Variants in SLC14A2 observed in about 807,000 individuals in gnomAD.
SLC14A2 encodes the protein urea transporter 2.
SLC14A2 carries 91 observed loss-of-function variants against 104.6 expected under a neutral mutation model. That is an observed-to-expected ratio of 0.87 (90% CI 0.73 to 1.04). The LOEUF (loss-of-function observed/expected upper bound fraction) is 1.04, where lower values mean the gene tolerates loss of function less well. SLC14A2 is among the 50% of genes least tolerant of loss of function. SLC14A2 has a pLI of 0.00. For missense variants in SLC14A2, 1,189 were observed against 1,156.0 expected, an observed-to-expected ratio of 1.03 and a Z score of -0.41; for synonymous variants, 476 against 466.4, an observed-to-expected ratio of 1.02 and a Z score of -0.27.
chr18:45,205,595 CA>C, the SLC14A2 span, among the ~76,000 whole-genome samples: 1 of 152,130 alleles, frequency 6.6e-6, no homozygotes, highest in African/African-American at 2.4e-5. Context: ...CGGGTAGATG[CA>C]ATTCAAAGAC....
chr18:45,409,343 T>G (rs1316672514), intron 1 of SLC14A2, among the ~76,000 whole-genome samples: 1 of 152,154 alleles, frequency 6.6e-6, no homozygotes, highest in African/African-American at 2.4e-5. Flanking sequence ...CCACTGAAAA[T>G]TGGTTCTGGG....
At chr18:45,634,569 A>T (rs2045389867) in intron 5 of SLC14A2, among the ~76,000 whole-genome samples, 1 of 152,234 alleles carries the variant, frequency 6.6e-6, no homozygotes, top group Non-Finnish European at 1.5e-5. Flanking sequence ...TGCAGGCAGA[A>T]GCAGCCCCCA....
intron 1 of SLC14A2, among the ~76,000 whole-genome samples, chr18:45,432,651 G>C (rs142678824): frequency 6.6e-6 from 1 of 152,192 alleles, no homozygotes; most frequent in Non-Finnish European, 1.5e-5. Context: ...TTTCGGCTTT[G>C]TGAGTACACT....
chr18:45,588,831 C>T (rs1458652079), intron 2 of SLC14A2, among the ~76,000 whole-genome samples: 1 of 152,172 alleles, frequency 6.6e-6, no homozygotes, highest in Non-Finnish European at 1.5e-5. Context: ...ACCCTATAAA[C>T]CCTAAACCGT....
intron 1 of SLC14A2, among the ~76,000 whole-genome samples, chr18:45,364,007 G>A (rs1401092041): frequency 2.0e-5 from 3 of 152,160 alleles, no homozygotes; most frequent in African/African-American, 7.2e-5. Flanking sequence ...AAGAGGCCAT[G>A]TGTACCTAAT....
upstream of SLC14A2, among the ~76,000 whole-genome samples, chr18:45,210,094 C>T (rs760686001): frequency 2.6e-5 from 4 of 152,284 alleles, no homozygotes; most frequent in South Asian, 2.1e-4. Context: ...AGATCATGGT[C>T]GCTCGAGCCC....
At chr18:45,341,717 C>T (rs1480214509) in intron 1 of SLC14A2, among the ~76,000 whole-genome samples, 2 of 151,034 alleles carry the variant, frequency 1.3e-5, no homozygotes, top group African/African-American at 4.9e-5. Flanking sequence ...CTCAGCATCC[C>T]GAGTTGCTGG....
At chr18:45,389,477 C>A (rs902367503) in intron 1 of SLC14A2, among the ~76,000 whole-genome samples, 6 of 152,264 alleles carry the variant, frequency 3.9e-5, no homozygotes, top group African/African-American at 1.4e-4. Context: ...CAAGAGCTGA[C>A]CATTCTTGCA....
intron 1 of SLC14A2, among the ~76,000 whole-genome samples, chr18:45,284,626 T>C (rs72904685): frequency 0.043 from 6,503 of 152,268 alleles, 186 homozygotes; most frequent in Middle Eastern, 0.12. Context: ...ATCTCCCCAT[T>C]TCACTTTTCA....
chr18:45,195,132 G>A, the SLC14A2 span, among the ~76,000 whole-genome samples: 3 of 152,152 alleles, frequency 2.0e-5, no homozygotes, highest in Non-Finnish European at 2.9e-5. Flanking sequence ...TCTGGAGAAA[G>A]AGAGGAGCCT....
At chr18:45,671,845 T>G (rs2046144946) in intron 16 of SLC14A2, among the ~76,000 whole-genome samples, 1 of 152,102 alleles carries the variant, frequency 6.6e-6, no homozygotes, top group Non-Finnish European at 1.5e-5. Context: ...CTCAGCTTCC[T>G]GCCCATGGGC....
intron 1 of SLC14A2, among the ~76,000 whole-genome samples, chr18:45,288,892 C>T (rs2144160962): frequency 6.6e-6 from 1 of 152,318 alleles, no homozygotes; most frequent in African/African-American, 2.4e-5. Flanking sequence ...GGGGATTCAT[C>T]CCGCCTTAAT....
intron 2 of SLC14A2, among the ~76,000 whole-genome samples, chr18:45,494,083 T>G (rs1238654075): frequency 6.6e-6 from 1 of 152,208 alleles, no homozygotes; most frequent in Non-Finnish European, 1.5e-5. Context: ...TGGTTGTACC[T>G]TGTTAGCGTT....
chr18:45,343,656 T>C (rs183439562), intron 1 of SLC14A2, among the ~76,000 whole-genome samples: 84 of 152,112 alleles, frequency 5.5e-4, no homozygotes, highest in Non-Finnish European at 1.1e-3. Flanking sequence ...AAAAATAAAA[T>C]GCTATGATTT....
rs144299566 is a variant in SLC14A2 at position 45,317,961 on chromosome 18, C to A, written c.-125+104770C>A. ...CACCTCAAGAGCTTTGGAGCCCCACCTTTGGAGCCCCACCTTTCCTTTGGA... is the reference window on the plus strand; with the variant it reads ...CACCTCAAGAGCTTTGGAGCCCCACATTTGGAGCCCCACCTTTCCTTTGGA... On this transcript the variant is annotated intron_variant, in intron 1 of 20. Coordinates refer to the SLC14A2 transcript ENST00000586448. Among the ~76,000 whole-genome samples, 938 of 152,202 alleles carry A rather than the reference C, an allele frequency of 6.2e-3. 6 individuals carry two copies. Among genetic ancestry groups the A allele is most frequent in the Middle Eastern group, 0.02 (6 of 294 alleles).
intron 1 of SLC14A2, among the ~76,000 whole-genome samples, chr18:45,403,562 C>A (rs1227558282): frequency 2.0e-5 from 3 of 152,126 alleles, no homozygotes; most frequent in African/African-American, 7.2e-5. Flanking sequence ...CTCATGTGAG[C>A]TGGCTGGAGG....
rs1215242717 is a variant in SLC14A2 at position 45,273,508 on chromosome 18, G to A, written c.-125+60317G>A. Reference sequence around the variant, plus strand: ...AAAAGCGTTGTCCTACAGATGAAGAGGGAACAGGTAGTGTGCAATACAACC... The same window carrying A: ...AAAAGCGTTGTCCTACAGATGAAGAAGGAACAGGTAGTGTGCAATACAACC... On this transcript the variant is annotated intron_variant, in intron 1 of 20. Transcript: ENST00000586448. Among the ~76,000 whole-genome samples the A allele has an allele frequency of 3.9e-5, 6 of 152,118 alleles. No individual in the cohort carries two copies. The East Asian group carries it at 1.2e-3, about 29-fold the overall frequency.
At chr18:45,541,106 G>C (rs1359783139) in intron 2 of SLC14A2, among the ~76,000 whole-genome samples, 1 of 152,152 alleles carries the variant, frequency 6.6e-6, no homozygotes, top group Admixed American at 6.5e-5. Flanking sequence ...AGAGTCTAGG[G>C]ATCTAAGCCA....
Position 45,350,386 on chromosome 18 carries a change from C to T in SLC14A2, c.-124-132847C>T, listed in dbSNP as rs368480324. Among the ~76,000 whole-genome samples, 5 of 152,146 alleles carry T rather than the reference C, an allele frequency of 3.3e-5. No homozygotes were observed. The East Asian group carries it at 9.6e-4, about 29-fold the overall frequency. The stretch of plus-strand genomic sequence containing the variant: ...GATTATAAAACAAACACACTCATAG[C>T]TCAAGGTCACAGGGACAGCACGTTC... On this transcript the variant is annotated intron_variant, in intron 1 of 20. Coordinates refer to the SLC14A2 transcript ENST00000586448.
Sources: gnomAD v4.1 joint callset for allele counts (sites outside exome capture counted in the v4.1 genomes callset) on GRCh38, gnomAD v4.1.1 for gene constraint, MANE v1.5 for transcripts, NCBI Gene and HGNC (gene_info 2026-07-23, HGNC 2026-07-21) for gene names.